The following CCND3 variants were observed in gnomAD, a reference collection of about 807,000 sequenced individuals.
CCND3 encodes the protein cyclin D3.
CCND3 carries 9 observed loss-of-function variants against 28.7 expected under a neutral mutation model. The observed-to-expected ratio is 0.31, with a 90% CI of 0.19 to 0.55. The LOEUF is 0.55. Among genes scored for constraint, CCND3 ranks in the 20% least tolerant of loss-of-function variants. CCND3 has a pLI of 0.93. For missense variants in CCND3, 315 were observed against 385.8 expected, an observed-to-expected ratio of 0.82 and a Z score of 1.54; for synonymous variants, 164 against 163.9, an observed-to-expected ratio of 1.00 and a Z score of 0.00.
chr6:41,978,048 C>T (rs1320149861), intron 1 of CCND3, among the ~76,000 whole-genome samples: 1 of 149,594 alleles, frequency 6.7e-6, no homozygotes, highest in Non-Finnish European at 1.5e-5. Context: ...AAGTGAGACC[C>T]TGTCTCAAAA....
Position 41,941,088 on chromosome 6 carries a change from G to C in CCND3, c.198+364C>G, listed in dbSNP as rs1775997901. On this transcript the variant is annotated intron_variant, in intron 1 of 4. Transcript: ENST00000372991. The surrounding 1 kb of genome is among the most constrained non-coding windows in gnomAD (Gnocchi z 6.1). Reference sequence around the variant, plus strand: ...AAGACACAGGAACCGGCTCCCGGGCGGGGGCGGCCGAGCCCAGGGTTTTCC... The same window carrying C: ...AAGACACAGGAACCGGCTCCCGGGCCGGGGCGGCCGAGCCCAGGGTTTTCC... 6.4e-7 allele frequency: 1 copy of C among 1,550,884 alleles called. No individual in the cohort carries two copies. The highest frequency in any genetic ancestry group is 1.4e-5 in the African/African-American group (1 of 73,228).
At chr6:41,949,757 G>C (rs1445002753) in intron 1 of CCND3, among the ~76,000 whole-genome samples, 1 of 151,786 alleles carries the variant, frequency 6.6e-6, no homozygotes, top group East Asian at 1.9e-4. Context: ...AGAAACCTCA[G>C]GTACTAGCCT....
At chr6:41,971,907 C>A (rs1393342768) in intron 1 of CCND3, among the ~76,000 whole-genome samples, 4 of 150,910 alleles carry the variant, frequency 2.7e-5, no homozygotes, top group Non-Finnish European at 5.9e-5. Flanking sequence ...GTCTCATTTG[C>A]CCCAATTTTA....
chr6:41,987,033 A>G (rs1046639040), intron 1 of CCND3, among the ~76,000 whole-genome samples: 2 of 152,050 alleles, frequency 1.3e-5, no homozygotes, highest in African/African-American at 4.8e-5. Flanking sequence ...TTGAATAGTC[A>G]TTACTATTCT....
chr6:42,001,255 T>C (rs1447451619), intron 1 of CCND3, among the ~76,000 whole-genome samples: 2 of 63,186 alleles, frequency 3.2e-5, no homozygotes, highest in South Asian at 5.6e-4. Context: ...AAAAAAAAGC[T>C]TATAGGTACC....
chr6:41,988,349 A>G (rs374522851), intron 1 of CCND3, among the ~76,000 whole-genome samples: 21 of 152,062 alleles, frequency 1.4e-4, no homozygotes, highest in East Asian at 1.3e-3. Context: ...AGTATTTCTC[A>G]TTCTTACAGC....
intron 1 of CCND3, among the ~76,000 whole-genome samples, chr6:41,968,033 A>G (rs2127406905): frequency 6.6e-6 from 1 of 152,372 alleles, no homozygotes; most frequent in African/African-American, 2.4e-5. Flanking sequence ...AATGTAAACC[A>G]TCTTCATTCC....
chr6:42,032,630 G>A (rs972393804), intron 1 of CCND3, among the ~76,000 whole-genome samples: 1 of 152,238 alleles, frequency 6.6e-6, no homozygotes, highest in Non-Finnish European at 1.5e-5. Flanking sequence ...CCCATGTCCT[G>A]TTACCTTTGG....
intron 1 of CCND3, among the ~76,000 whole-genome samples, chr6:42,012,346 C>T (rs1428946390): frequency 1.4e-5 from 2 of 142,470 alleles, no homozygotes; most frequent in East Asian, 2.3e-4. Flanking sequence ...GGGATGGGGG[C>T]GGGGAGTGGA....
chr6:41,975,737 C>CTT (rs1318433808), intron 1 of CCND3, among the ~76,000 whole-genome samples: 9 of 135,660 alleles, frequency 6.6e-5, no homozygotes, highest in Non-Finnish European at 1.3e-4. Context: ...GCTTGCTTGA[C>CTT]TTTTTTTTTT....
intron 1 of CCND3, among the ~76,000 whole-genome samples, chr6:41,964,402 ATGTG>A (rs1167859797): frequency 4.7e-5 from 6 of 128,324 alleles, no homozygotes; most frequent in Admixed American, 3.8e-4. Context: ...GCATGTGTGA[ATGTG>A]TGTGTCTGTG....
At chr6:41,985,361 T>A (rs1008114244) in intron 1 of CCND3, among the ~76,000 whole-genome samples, 1 of 127,782 alleles carries the variant, frequency 7.8e-6, no homozygotes, top group Non-Finnish European at 1.6e-5. Context: ...TTGCCCAGGC[T>A]GGAGTGCAAT....
chr6:41,996,150 TGTTTG>T (rs1762800117), intron 1 of CCND3, among the ~76,000 whole-genome samples: 1 of 137,996 alleles, frequency 7.2e-6, no homozygotes. Context: ...TTTTTTTGTT[TGTTTG>T]TTTGTTTGTT....
intron 1 of CCND3, among the ~76,000 whole-genome samples, chr6:42,006,127 G>A (rs1189292278): frequency 2.0e-5 from 3 of 151,748 alleles, no homozygotes; most frequent in Non-Finnish European, 4.4e-5. Flanking sequence ...TGATTGCACC[G>A]TGGCACTACA....
At position 41,980,336 on chromosome 6, in the gene CCND3, A is replaced by G. The variant is rs542966561; in HGVS notation, c.-45-39751T>C. 5.3e-5 allele frequency among the ~76,000 whole-genome samples: 8 copies of G among 152,180 alleles called. No individual in the cohort carries two copies. The East Asian group carries it at 1.5e-3, about 29-fold the overall frequency. Reference sequence around the variant, plus strand: ...TTTTTAGTTGAGACGGGGTTTTACCATGTTGGCCAGGCTGGTCTCGAACTG... The same window carrying G: ...TTTTTAGTTGAGACGGGGTTTTACCGTGTTGGCCAGGCTGGTCTCGAACTG... On this transcript the variant is annotated intron_variant, in intron 1 of 4. Transcript: ENST00000372988.
intron 1 of CCND3, among the ~76,000 whole-genome samples, chr6:41,969,684 C>T (rs564145292): frequency 4.6e-5 from 7 of 151,974 alleles, no homozygotes; most frequent in African/African-American, 1.7e-4. Flanking sequence ...TGCAGTGAGC[C>T]GAGATGGCAC....
At chr6:41,972,722 A>T (rs1278771578) in intron 1 of CCND3, among the ~76,000 whole-genome samples, 3 of 152,048 alleles carry the variant, frequency 2.0e-5, no homozygotes, top group African/African-American at 4.8e-5. Context: ...TGAGGGGGTA[A>T]CATCAAAGGG....
intron 1 of CCND3, among the ~76,000 whole-genome samples, chr6:41,952,524 G>C (rs1363742180): frequency 6.6e-6 from 1 of 152,226 alleles, no homozygotes; most frequent in African/African-American, 2.4e-5. Flanking sequence ...GGGCTGCTTG[G>C]GGATGGAGGA....
At chr6:42,001,868 A>C (rs1400583020) in intron 1 of CCND3, among the ~76,000 whole-genome samples, 1 of 152,124 alleles carries the variant, frequency 6.6e-6, no homozygotes, top group Non-Finnish European at 1.5e-5. Context: ...TAATCCCAGA[A>C]CTTTGGGAGG....
Sources: gnomAD v4.1 joint callset for allele counts (sites outside exome capture counted in the v4.1 genomes callset) on GRCh38, gnomAD v4.1.1 for gene constraint, Gnocchi (gnomAD v3.1) non-coding constraint, MANE v1.5 for transcripts, NCBI Gene and HGNC (gene_info 2026-07-23, HGNC 2026-07-21) for gene names.